Variants in RBMS3 observed in about 807,000 individuals in gnomAD.
RBMS3 encodes the protein RNA binding motif single stranded interacting protein 3, also known as RNA-binding motif, single-stranded-interacting protein 3.
In RBMS3, 27 loss-of-function variants were observed where a neutral mutation model predicts 66.8. The observed-to-expected ratio is 0.40, with a 90% CI of 0.30 to 0.56. RBMS3 has a LOEUF of 0.56. Ranked by LOEUF, RBMS3 falls within the 20% of genes least tolerant of loss-of-function variation. The pLI is 0.40. For synonymous variants in RBMS3, 188 were observed against 183.0 expected, an observed-to-expected ratio of 1.03 and a Z score of -0.22; for missense variants, 513 against 549.5, an observed-to-expected ratio of 0.93 and a Z score of 0.66.
At chr3:29,438,540 C>T (rs189099201) in intron 2 of RBMS3, among the ~76,000 whole-genome samples, 2 of 152,126 alleles carry the variant, frequency 1.3e-5, no homozygotes, top group East Asian at 3.9e-4. Flanking sequence ...CTTCTATGTT[C>T]AGATCACAAG....
At chr3:29,657,978 A>G (rs1414323789) in intron 4 of RBMS3, among the ~76,000 whole-genome samples, 1 of 152,178 alleles carries the variant, frequency 6.6e-6, no homozygotes, top group African/African-American at 2.4e-5. Flanking sequence ...GAACAAAAAT[A>G]TCCCCCAACG....
chr3:29,809,240 T>C (rs1232543309), intron 6 of RBMS3, among the ~76,000 whole-genome samples: 1 of 151,824 alleles, frequency 6.6e-6, no homozygotes, highest in African/African-American at 2.4e-5. Flanking sequence ...AATTTCATTC[T>C]TGTTATTTTG....
At chr3:29,410,109 G>A (rs559173246) in intron 1 of RBMS3, among the ~76,000 whole-genome samples, 54 of 152,278 alleles carry the variant, frequency 3.5e-4, no homozygotes, top group Non-Finnish European at 6.5e-4. Flanking sequence ...TTAATAAAAA[G>A]TGAAGGCATG....
intron 2 of RBMS3, among the ~76,000 whole-genome samples, chr3:29,481,006 G>A (rs904119532): frequency 6.6e-6 from 1 of 152,140 alleles, no homozygotes; most frequent in Non-Finnish European, 1.5e-5. Context: ...CTCTGTAGCT[G>A]GTCTGTCTGA....
intron 6 of RBMS3, among the ~76,000 whole-genome samples, chr3:29,835,607 C>T (rs1162286628): frequency 1.3e-5 from 2 of 151,508 alleles, no homozygotes; most frequent in African/African-American, 2.4e-5. Context: ...CATACAAAAA[C>T]ACATGGGATG....
At chr3:29,521,852 T>C (rs1052009447) in intron 3 of RBMS3, among the ~76,000 whole-genome samples, 2 of 152,230 alleles carry the variant, frequency 1.3e-5, no homozygotes, top group African/African-American at 4.8e-5. Flanking sequence ...CTGGAAATTT[T>C]TAACAACCCT....
At chr3:29,763,633 G>A (rs907851844) in intron 6 of RBMS3, among the ~76,000 whole-genome samples, 22 of 151,958 alleles carry the variant, frequency 1.4e-4, no homozygotes, top group African/African-American at 5.3e-4. Flanking sequence ...ATTATAAAGT[G>A]TTCTAATTTT....
intron 3 of RBMS3, among the ~76,000 whole-genome samples, chr3:29,503,520 A>G (rs950810675): frequency 2.6e-5 from 4 of 152,112 alleles, no homozygotes; most frequent in African/African-American, 4.8e-5. Flanking sequence ...TTTCTTGCCT[A>G]GTTCCTGAGT....
intron 3 of RBMS3, among the ~76,000 whole-genome samples, chr3:29,586,755 A>G (rs1378821984): frequency 6.6e-6 from 1 of 152,042 alleles, no homozygotes; most frequent in African/African-American, 2.4e-5. Flanking sequence ...TTAGGGAGAG[A>G]ATTTTCTATA....
At chr3:29,808,177 A>AT (rs536242014) in intron 6 of RBMS3, among the ~76,000 whole-genome samples, 13 of 150,680 alleles carry the variant, frequency 8.6e-5, no homozygotes, top group African/African-American at 2.2e-4. Context: ...TTTGTTGTTC[A>AT]TTTTTTTTTG....
chr3:29,676,965 G>A (rs771497198), intron 4 of RBMS3, among the ~76,000 whole-genome samples: 14 of 152,032 alleles, frequency 9.2e-5, no homozygotes, highest in Admixed American at 5.2e-4. Flanking sequence ...CAGGCTGTAC[G>A]GGAAGCATGA....
intron 4 of RBMS3, among the ~76,000 whole-genome samples, chr3:29,737,376 A>G (rs913997401): frequency 2.1e-4 from 32 of 152,356 alleles, no homozygotes; most frequent in African/African-American, 7.5e-4. Context: ...AAAAATTTCT[A>G]ACATTTGGTG....
intron 4 of RBMS3, chr3:29,614,384 G>C (rs567620874): frequency 2.0e-5 from 3 of 152,156 alleles, no homozygotes; most frequent in East Asian, 3.9e-4. Context: ...ATAAGTTCTA[G>C]TTATCTATTG....
rs58254082 is a variant in RBMS3, at chr3:29,500,838, CTGTG to C, written c.307+12361_307+12364del. On this transcript the variant is annotated intron_variant, in intron 3 of 14. Coordinates refer to ENST00000383767, the MANE Select transcript of RBMS3 (RefSeq NM_001003793.3). ...TAATTACATGTGTATGTCAGTACATCTGTGTGTGTGTGTGTGTGTGTGTGTATCA... is the reference window on the plus strand; with the variant it reads ...TAATTACATGTGTATGTCAGTACATCTGTGTGTGTGTGTGTGTGTGTATCA... Among the ~76,000 whole-genome samples, 547 of 148,210 alleles carry C rather than the reference CTGTG, an allele frequency of 3.7e-3. 1 individual carries two copies. Among genetic ancestry groups the C allele is most frequent in the African/African-American group, 0.012 (477 of 40,696 alleles).
chr3:29,836,759 C>G (rs1198580469), intron 6 of RBMS3, among the ~76,000 whole-genome samples: 1 of 150,240 alleles, frequency 6.7e-6, no homozygotes, highest in East Asian at 1.9e-4. Flanking sequence ...TGTTAATTAG[C>G]TTGACTGTGG....
chr3:29,629,944 A>G (rs2049223332), intron 4 of RBMS3, among the ~76,000 whole-genome samples: 1 of 152,128 alleles, frequency 6.6e-6, no homozygotes, highest in African/African-American at 2.4e-5. Flanking sequence ...TATTAAATTC[A>G]TAGTAGGTCA....
At chr3:29,907,327 C>G (rs1157175035) in intron 10 of RBMS3, among the ~76,000 whole-genome samples, 1 of 152,040 alleles carries the variant, frequency 6.6e-6, no homozygotes, top group African/African-American at 2.4e-5. Context: ...AATTTTCCAC[C>G]TGATTTTAAA....
chr3:29,620,800 A>C (rs2048839954), intron 4 of RBMS3, among the ~76,000 whole-genome samples: 1 of 152,108 alleles, frequency 6.6e-6, no homozygotes, highest in Non-Finnish European at 1.5e-5. Context: ...AAATTTTTTC[A>C]GCAATCTAAA....
At position 30,004,113 on chromosome 3, in the gene RBMS3, G is replaced by C; in HGVS notation, c.*251G>C. 1 of 307,272 alleles carries C rather than the reference G, an allele frequency of 3.3e-6. No homozygotes were observed. 19.0% of individuals were successfully genotyped at this position (307,272 alleles called of 1,614,324 possible). On this transcript the variant is annotated 3_prime_UTR_variant, in exon 15 of 15. Coordinates refer to ENST00000383767, the MANE Select transcript of RBMS3 (RefSeq NM_001003793.3). ...ATTAAAGAAAAAATTTCCAGAAGAG[G>C]AAAAAAAAACTACAAAAAACAAAAC... is the stretch of plus-strand genomic sequence containing the variant.
Sources: gnomAD v4.1 joint callset for allele counts (sites outside exome capture counted in the v4.1 genomes callset) on GRCh38, gnomAD v4.1.1 for gene constraint, MANE v1.5 for transcripts, NCBI Gene and HGNC (gene_info 2026-07-23, HGNC 2026-07-21) for gene names.